Variants in PSMF1 observed in about 807,000 individuals in gnomAD.
PSMF1 encodes proteasome inhibitor PI31 subunit.
In PSMF1, 30 loss-of-function variants were observed where a neutral mutation model predicts 29.3. That is an observed-to-expected ratio of 1.02 (90% CI 0.77 to 1.39). The LOEUF (loss-of-function observed/expected upper bound fraction) is 1.39, where lower values mean the gene tolerates loss of function less well. Ranked by LOEUF, PSMF1 falls within the 40% of genes most tolerant of loss-of-function variation. The pLI is 0.00. For missense variants in PSMF1, 344 were observed against 357.5 expected (o/e 0.96, Z 0.31); for synonymous variants, 134 against 139.7 (o/e 0.96, Z 0.29).
chr20:1,156,758 G>GGAA, intron 4 of PSMF1, among the ~76,000 whole-genome samples: 1 of 152,072 alleles, frequency 6.6e-6, no homozygotes, highest in East Asian at 1.9e-4. Flanking sequence ...CTCAAAAGGA[G>GGAA]TTTTAAAAGG....
At chr20:1,120,291 A>G (rs1292253017) in intron 1 of PSMF1, among the ~76,000 whole-genome samples, 1 of 152,030 alleles carries the variant, frequency 6.6e-6, no homozygotes, top group Non-Finnish European at 1.5e-5. Flanking sequence ...CACATACTTC[A>G]TCTCTCAAAT....
At chr20:1,149,367 T>C (rs1354939390) in intron 4 of PSMF1, among the ~76,000 whole-genome samples, 2 of 152,238 alleles carry the variant, frequency 1.3e-5, no homozygotes, top group African/African-American at 4.8e-5. Context: ...CTTTTACCCG[T>C]GTATAATACT....
intron 4 of PSMF1, among the ~76,000 whole-genome samples, chr20:1,143,324 T>G (rs1306155117): frequency 6.6e-6 from 1 of 152,160 alleles, no homozygotes; most frequent in Non-Finnish European, 1.5e-5. Context: ...TAGAACAGAA[T>G]AGTGAACACA....
chr20:1,133,405 T>C (rs1334828025), intron 3 of PSMF1, among the ~76,000 whole-genome samples: 1 of 150,948 alleles, frequency 6.6e-6, no homozygotes, highest in African/African-American at 2.4e-5. Context: ...GATTGATTTG[T>C]GACTATTAAC....
intron 4 of PSMF1, among the ~76,000 whole-genome samples, chr20:1,158,989 G>A (rs1393251332): frequency 7.3e-5 from 11 of 151,674 alleles, no homozygotes; most frequent in Middle Eastern, 3.2e-3. Context: ...CTGGGAGGCA[G>A]AGGTTGCAGT....
intron 4 of PSMF1, among the ~76,000 whole-genome samples, chr20:1,162,033 T>G (rs2086673962): frequency 6.6e-6 from 1 of 152,216 alleles, no homozygotes; most frequent in Non-Finnish European, 1.5e-5. Flanking sequence ...GGGGGGTCTG[T>G]GTGGCTGGCA....
At position 1,171,121 on chromosome 20, in the gene PSMF1, G is replaced by A. The variant is rs117337416; in HGVS notation, c.*6041G>A. Among the ~76,000 whole-genome samples the A allele has an allele frequency of 7.4e-3, 1,134 of 152,222 alleles. 7 individuals are homozygous for A. The highest frequency in any genetic ancestry group is 0.012 in the Non-Finnish European group (791 of 68,010). On this transcript the variant is annotated 3_prime_UTR_variant, in exon 7 of 7. Transcript: ENST00000335877. ...CCACGTCAGGACTTGTGTGAGAAAG[G>A]AGTGATGCTTCATAATCCCCAGGAT...
At chr20:1,138,944 G>A (rs1419731591) in intron 4 of PSMF1, among the ~76,000 whole-genome samples, 1 of 152,248 alleles carries the variant, frequency 6.6e-6, no homozygotes, top group Non-Finnish European at 1.5e-5. Context: ...GGGAGGCCAA[G>A]GCAGGTGGAT....
In PSMF1 at chr20:1,166,323, A is replaced by G; in HGVS notation, c.*1243A>G. On this transcript the variant is annotated 3_prime_UTR_variant, in exon 7 of 7. Coordinates refer to ENST00000335877, the MANE Select transcript of PSMF1 (RefSeq NM_006814.5). The stretch of plus-strand genomic sequence containing the variant: ...CTAAGAGGCACGAGATCAAGGCGGT[A>G]GTCACTTCCGCTCTGCAGCTAGCAT... The G allele has an allele frequency of 1.3e-6, 2 of 1,482,712 alleles. No individual in the cohort carries two copies. The highest frequency in any genetic ancestry group is 1.9e-6 in the Non-Finnish European group (2 of 1,068,374). The allele number at this position is 1,482,712 out of a possible 1,614,324, so 91.8% of individuals were successfully genotyped here. A position where few individuals can be genotyped will look rare whatever the true frequency, so the allele number is the denominator to read the frequency against.
chr20:1,125,386 C>T, intron 1 of PSMF1, 112 bp from the exon 2 acceptor site: 3 of 1,191,416 alleles, frequency 2.5e-6, no homozygotes, highest in Non-Finnish European at 3.4e-6. Context: ...TCTTGACCTC[C>T]ACATCTTCAT....
chr20:1,161,308 A>C (rs1001593663), intron 4 of PSMF1: 1 of 312,706 alleles, frequency 3.2e-6, no homozygotes, highest in African/African-American at 2.2e-5. Flanking sequence ...CCTGACAGCC[A>C]GGTGATCACC....
At position 1,171,889 on chromosome 20, in the gene PSMF1, G is replaced by T. The variant is rs548758521; in HGVS notation, c.*6809G>T. Among the ~76,000 whole-genome samples, 60 of 152,348 alleles carry T rather than the reference G, an allele frequency of 3.9e-4. 1 individual carries two copies. The highest frequency in any genetic ancestry group is 3.9e-3 in the South Asian group (19 of 4,830). On this transcript the variant is annotated 3_prime_UTR_variant, in exon 7 of 7. Coordinates refer to ENST00000335877, the MANE Select transcript of PSMF1 (RefSeq NM_006814.5). The stretch of plus-strand genomic sequence containing the variant: ...GTATGGGAGCAGTTCCATCCTCAAG[G>T]TTTCTTGGTTCCCAGGACAGAAATT...
At position 1,171,420 on chromosome 20, in the gene PSMF1, T is replaced by G. The variant is rs954226010; in HGVS notation, c.*6340T>G. Among the ~76,000 whole-genome samples the G allele has an allele frequency of 4.6e-5, 7 of 151,978 alleles. No homozygotes were observed. Among genetic ancestry groups the G allele is most frequent in the African/African-American group, 1.7e-4 (7 of 41,360 alleles). On this transcript the variant is annotated 3_prime_UTR_variant, in exon 7 of 7. Transcript: ENST00000335877. ...GTGCTGCTCACCTCGGCCTTCTGAG[T>G]TTAGTAGGATGGCAGCTAGTCTTCC...
chr20:1,165,618 A>G lies in PSMF1; in HGVS notation c.*538A>G, dbSNP rs2086720330. ...AGGCACCTTCCGTTTATTAATTGCCATTGCTCCTGACATCACTAAGATGGG... is the reference window on the plus strand; with the variant it reads ...AGGCACCTTCCGTTTATTAATTGCCGTTGCTCCTGACATCACTAAGATGGG... On this transcript the variant is annotated 3_prime_UTR_variant, in exon 7 of 7. Coordinates refer to ENST00000335877, the MANE Select transcript of PSMF1 (RefSeq NM_006814.5). 1.0e-5 allele frequency: 10 copies of G among 995,384 alleles called. No individual in the cohort carries two copies. The highest frequency in any genetic ancestry group is 1.7e-5 in the African/African-American group (1 of 57,484). The allele number at this position is 995,384 out of a possible 1,614,324, so 61.7% of individuals were successfully genotyped here.
At chr20:1,133,072 T>A (rs2086252039) in intron 3 of PSMF1, among the ~76,000 whole-genome samples, 2 of 150,750 alleles carry the variant, frequency 1.3e-5, no homozygotes. Flanking sequence ...TATGAATGCC[T>A]TTTGTTTTTC....
At chr20:1,137,733 A>G (rs1448334290) in intron 4 of PSMF1, among the ~76,000 whole-genome samples, 4 of 152,234 alleles carry the variant, frequency 2.6e-5, no homozygotes, top group South Asian at 2.1e-4. Flanking sequence ...TTATTTTTCA[A>G]ACATTTGGGG....
At chr20:1,124,435 A>G (rs2086127466) in intron 1 of PSMF1, among the ~76,000 whole-genome samples, 1 of 152,220 alleles carries the variant, frequency 6.6e-6, no homozygotes, top group African/African-American at 2.4e-5. Flanking sequence ...TGCCAACTAC[A>G]CGGAGCAACA....
chr20:1,156,428 A>G (rs965757051), intron 4 of PSMF1, among the ~76,000 whole-genome samples: 1 of 152,190 alleles, frequency 6.6e-6, no homozygotes, highest in Non-Finnish European at 1.5e-5. Flanking sequence ...CAGACCCTAA[A>G]TAGGATAAAC....
intron 1 of PSMF1, among the ~76,000 whole-genome samples, chr20:1,121,011 G>C (rs1306829652): frequency 1.3e-5 from 2 of 152,144 alleles, no homozygotes; most frequent in Admixed American, 6.5e-5. Context: ...TGACAGTTTA[G>C]GGACATGAGT....
Sources: gnomAD v4.1 joint callset for allele counts (sites outside exome capture counted in the v4.1 genomes callset) on GRCh38, gnomAD v4.1.1 for gene constraint, MANE v1.5 for transcripts, NCBI Gene and HGNC (gene_info 2026-07-23, HGNC 2026-07-21) for gene names.